CC2D2A: variants seen among roughly 807,000 people sequenced by gnomAD.
CC2D2A encodes the protein coiled-coil and C2 domain containing 2A, also known as coiled-coil and C2 domain-containing protein 2A.
A neutral mutation model predicts 212.9 loss-of-function variants in CC2D2A; 155 were observed. The ratio of observed to expected loss-of-function variants is 0.73; its 90% confidence interval spans 0.64 to 0.83. The LOEUF is 0.83. Among genes scored for constraint, CC2D2A ranks in the 40% least tolerant of loss-of-function variants. The pLI, the probability that CC2D2A is intolerant of heterozygous loss-of-function variation, is 0.00. For missense variants in CC2D2A, 1,856 were observed against 1,956.2 expected (o/e 0.95, Z 0.97); for synonymous variants, 667 against 686.5 (o/e 0.97, Z 0.44).
intron 6 of CC2D2A, among the ~76,000 whole-genome samples, chr4:15,504,618 T>C (rs1716153064): frequency 6.6e-6 from 1 of 152,172 alleles, no homozygotes; most frequent in African/African-American, 2.4e-5. Flanking sequence ...AATACTGATA[T>C]CTCAAATAAA....
chr4:15,477,002 G>A (rs768695132), intron 2 of CC2D2A, among the ~76,000 whole-genome samples: 2 of 152,178 alleles, frequency 1.3e-5, no homozygotes, highest in Non-Finnish European at 2.9e-5. Context: ...AAACCATGCA[G>A]ATTAACTTTA....
chr4:15,579,471 T>C (rs767745692), intron 29 of CC2D2A, among the ~76,000 whole-genome samples: 4 of 152,230 alleles, frequency 2.6e-5, no homozygotes, highest in Non-Finnish European at 4.4e-5. Flanking sequence ...CTATTAGTTA[T>C]TTCACTGCTT....
intron 6 of CC2D2A, among the ~76,000 whole-genome samples, chr4:15,507,778 G>A (rs1405601161): frequency 6.6e-6 from 1 of 152,156 alleles, no homozygotes; most frequent in Non-Finnish European, 1.5e-5. Context: ...CAGTGGCCTC[G>A]GACAAAGTCT....
chr4:15,505,060 T>C (rs866287023), intron 6 of CC2D2A, among the ~76,000 whole-genome samples: 1 of 152,152 alleles, frequency 6.6e-6, no homozygotes, highest in Non-Finnish European at 1.5e-5. Flanking sequence ...TGGTATTGTT[T>C]TGAGGATTAA....
At chr4:15,530,041 G>C (rs946326506) in intron 13 of CC2D2A, among the ~76,000 whole-genome samples, 13 of 151,340 alleles carry the variant, frequency 8.6e-5, no homozygotes, top group Admixed American at 2.6e-4. Flanking sequence ...GTGCGATTTC[G>C]GCTCACTGCA....
At chr4:15,518,907 C>T (rs1052556161) in intron 11 of CC2D2A, among the ~76,000 whole-genome samples, 1 of 152,176 alleles carries the variant, frequency 6.6e-6, no homozygotes, top group South Asian at 2.1e-4. Flanking sequence ...GGCCTTCAGG[C>T]CTGTGATGGG....
intron 32 of CC2D2A, among the ~76,000 whole-genome samples, chr4:15,589,090 T>A (rs1720977432): frequency 6.6e-6 from 1 of 151,886 alleles, no homozygotes; most frequent in Admixed American, 6.6e-5. Context: ...TTGGTACATA[T>A]CCTTCCAAAT....
chr4:15,481,353 A>T (rs1714643814), intron 4 of CC2D2A: 1 of 369,180 alleles, frequency 2.7e-6, no homozygotes, highest in South Asian at 2.0e-5. Context: ...TACTAAAAAT[A>T]CAAAAAAATT....
intron 14 of CC2D2A, among the ~76,000 whole-genome samples, chr4:15,533,758 C>T (rs2109030380): frequency 6.6e-6 from 1 of 152,276 alleles, no homozygotes; most frequent in East Asian, 1.9e-4. Context: ...CTTTACAATA[C>T]TTCATTATAT....
At chr4:15,488,070 G>T (rs1478908694) in intron 4 of CC2D2A, among the ~76,000 whole-genome samples, 1 of 151,872 alleles carries the variant, frequency 6.6e-6, no homozygotes, top group African/African-American at 2.4e-5. Flanking sequence ...TAGTCTTCAG[G>T]GCTAAAGATA....
rs1577408183 is a variant in CC2D2A, at chr4:15,601,387, G to A, written c.4825G>A (p.Val1609Ile). ...CCCATACCCCAAAAATGTTTTGTCT[G>A]TTTGGATCTATGTTGCCTCTCTTAT... The part of the protein sequence containing the change: ...IHPYPKNVLS[V>I]WIYVASLIRN... The change falls in exon 37 of 37, where the codon GTT becomes ATT. Residue 1609 changes from valine (V) to isoleucine (I), a missense_variant. Physicochemically the swap from Val to Ile is conservative, Grantham distance 29 (BLOSUM62 3). Around this residue, in one of 5 missense-constraint regions of CC2D2A, gnomAD observed 285 missense variants for 278.4 expected, o/e 1.02. Transcript: ENST00000424120. 1 of 1,570,924 alleles carries A rather than the reference G, an allele frequency of 6.4e-7. No homozygotes were observed.
intron 4 of CC2D2A, among the ~76,000 whole-genome samples, chr4:15,494,821 TTTGA>T (rs1468702548): frequency 5.3e-5 from 8 of 152,348 alleles, no homozygotes; most frequent in East Asian, 1.9e-4. Context: ...AACTACATGC[TTTGA>T]TTGACAACAA....
chr4:15,556,427 G>A (rs1210718113), intron 20 of CC2D2A, among the ~76,000 whole-genome samples: 1 of 152,124 alleles, frequency 6.6e-6, no homozygotes, highest in Non-Finnish European at 1.5e-5. Context: ...TTGGAAGATT[G>A]GGTCATATTA....
intron 32 of CC2D2A, among the ~76,000 whole-genome samples, chr4:15,588,911 AAAT>A (rs1356755493): frequency 6.6e-6 from 1 of 151,750 alleles, no homozygotes; most frequent in African/African-American, 2.4e-5. Context: ...TAATTTAAAT[AAAT>A]AATAAAAAAA....
At chr4:15,533,522 C>A (rs1577354843) in intron 14 of CC2D2A, 189 bp downstream of exon 14, 1 of 441,434 alleles carries the variant, frequency 2.3e-6, no homozygotes, top group Non-Finnish European at 4.0e-6. Context: ...CCCAAAATAA[C>A]AACTACCTAG....
At chr4:15,502,548 G>T (rs1012111099) in intron 5 of CC2D2A, 31 bp downstream of exon 5, 1 of 1,545,770 alleles carries the variant, frequency 6.5e-7, no homozygotes, top group South Asian at 1.2e-5. Context: ...ATTCTGTTCA[G>T]TGCTGATTGC....
intron 24 of CC2D2A, 33 bp downstream of exon 24, chr4:15,563,555 G>A (rs1390622886): frequency 1.9e-6 from 3 of 1,601,522 alleles, no homozygotes; most frequent in African/African-American, 2.7e-5. Context: ...GAGATGCAGT[G>A]TGCAGCATCC....
At chr4:15,553,557 C>A (rs1719115414) in intron 19 of CC2D2A, among the ~76,000 whole-genome samples, 1 of 152,172 alleles carries the variant, frequency 6.6e-6, no homozygotes, top group Non-Finnish European at 1.5e-5. Flanking sequence ...AGAACTTAAT[C>A]TTCACAGTAA....
intron 11 of CC2D2A, among the ~76,000 whole-genome samples, chr4:15,526,589 T>C (rs1450494215): frequency 6.6e-6 from 1 of 152,208 alleles, no homozygotes; most frequent in Admixed American, 6.5e-5. Flanking sequence ...ATCATTATCA[T>C]ACATTATCAT....
Sources: allele counts gnomAD v4.1 joint callset (sites outside exome capture counted in the v4.1 genomes callset), GRCh38; gene constraint gnomAD v4.1.1; regional missense constraint gnomAD v4.1.1; transcripts MANE v1.5; gene names NCBI Gene and HGNC (gene_info 2026-07-23, HGNC 2026-07-21).